The following NKAIN2 variants were observed in gnomAD, a reference collection of about 807,000 sequenced individuals.
The protein encoded by NKAIN2 is sodium/potassium-transporting ATPase subunit beta-1-interacting protein 2.
In NKAIN2, 14 loss-of-function variants were observed where a neutral mutation model predicts 32.6. The observed-to-expected ratio is 0.43, with a 90% CI of 0.28 to 0.67. NKAIN2 has a LOEUF of 0.67. Ranked by LOEUF, NKAIN2 falls within the 30% of genes least tolerant of loss-of-function variation. The pLI, the probability that NKAIN2 is intolerant of heterozygous loss-of-function variation, is 0.17. For synonymous variants in NKAIN2, 80 were observed against 87.2 expected, an observed-to-expected ratio of 0.92 and a Z score of 0.46; for missense variants, 198 against 258.3, an observed-to-expected ratio of 0.77 and a Z score of 1.60.
rs550910803 is a variant in NKAIN2, at chr6:124,458,171, A to G, written c.273+102824A>G. Among the ~76,000 whole-genome samples the G allele has an allele frequency of 2.0e-5, 3 of 151,992 alleles. No individual in the cohort carries two copies. In the East Asian group the frequency reaches 5.8e-4, roughly 29 times the overall value. On this transcript the variant is annotated intron_variant, in intron 3 of 6. Transcript: ENST00000368417. The stretch of plus-strand genomic sequence containing the variant: ...TTTTATGAATGCTTATTGAAAAAGT[A>G]AAGTATTGAAATATTACAGTTATTA...
At chr6:123,967,440 G>A (rs1282844543) in intron 1 of NKAIN2, among the ~76,000 whole-genome samples, 1 of 152,146 alleles carries the variant, frequency 6.6e-6, no homozygotes, top group Non-Finnish European at 1.5e-5. Context: ...CACCATTTCT[G>A]TAGTTAGACT....
chr6:124,054,812 G>T (rs1298105385), intron 1 of NKAIN2, among the ~76,000 whole-genome samples: 1 of 151,966 alleles, frequency 6.6e-6, no homozygotes, highest in East Asian at 1.9e-4. Flanking sequence ...CTACATTCAG[G>T]TCCCTAGTTT....
intron 3 of NKAIN2, among the ~76,000 whole-genome samples, chr6:124,414,124 C>G (rs557941209): frequency 9.2e-5 from 14 of 151,962 alleles, no homozygotes; most frequent in African/African-American, 3.1e-4. Flanking sequence ...TTAGAGGGAA[C>G]ACATTCAGGG....
chr6:123,965,027 C>T (rs1381446015), intron 1 of NKAIN2, among the ~76,000 whole-genome samples: 2 of 152,082 alleles, frequency 1.3e-5, no homozygotes, highest in Non-Finnish European at 2.9e-5. Flanking sequence ...TTTCTGCCAT[C>T]GATCTTCCTT....
chr6:124,035,880 C>T (rs1176862106), intron 1 of NKAIN2, among the ~76,000 whole-genome samples: 1 of 152,080 alleles, frequency 6.6e-6, no homozygotes, highest in East Asian at 1.9e-4. Context: ...CCGGTGATGG[C>T]AGAAAGGGCA....
chr6:123,874,384 G>C (rs952478513), intron 1 of NKAIN2, among the ~76,000 whole-genome samples: 4 of 152,110 alleles, frequency 2.6e-5, no homozygotes, highest in African/African-American at 9.7e-5. Flanking sequence ...GTAATCTCTT[G>C]TCTTTGACTG....
intron 3 of NKAIN2, among the ~76,000 whole-genome samples, chr6:124,401,486 C>T (rs989658364): frequency 2.0e-5 from 3 of 152,136 alleles, no homozygotes; most frequent in Non-Finnish European, 4.4e-5. Context: ...GAGTTGAATA[C>T]TTGTGACAGA....
intron 1 of NKAIN2, among the ~76,000 whole-genome samples, chr6:123,982,066 G>A (rs1778925408): frequency 6.6e-6 from 1 of 152,148 alleles, no homozygotes. Context: ...TTAATGCCAT[G>A]TAACCTAACT....
At chr6:124,471,294 A>T (rs968818378) in intron 3 of NKAIN2, among the ~76,000 whole-genome samples, 6 of 152,110 alleles carry the variant, frequency 3.9e-5, no homozygotes, top group African/African-American at 1.2e-4. Flanking sequence ...CATAATAAAA[A>T]TTTTTAAATA....
intron 1 of NKAIN2, among the ~76,000 whole-genome samples, chr6:124,073,723 A>T (rs768325364): frequency 1.3e-5 from 2 of 152,142 alleles, no homozygotes; most frequent in African/African-American, 4.8e-5. Context: ...TCTGAACCTC[A>T]TGGCCATAGG....
At chr6:124,575,409 C>A (rs1048578068) in intron 3 of NKAIN2, among the ~76,000 whole-genome samples, 2 of 152,228 alleles carry the variant, frequency 1.3e-5, no homozygotes, top group African/African-American at 4.8e-5. Context: ...CTCGTTGCAA[C>A]ATTTAGAAAC....
chr6:123,855,007 C>T (rs1038585039), intron 1 of NKAIN2, among the ~76,000 whole-genome samples: 25 of 152,122 alleles, frequency 1.6e-4, no homozygotes, highest in African/African-American at 5.3e-4. Flanking sequence ...CTACTCTGTC[C>T]GAATGTCATT....
intron 5 of NKAIN2, among the ~76,000 whole-genome samples, chr6:124,814,085 CCTCT>C (rs1175102565): frequency 4.6e-5 from 7 of 152,274 alleles, no homozygotes; most frequent in African/African-American, 1.2e-4. Flanking sequence ...AATACCTCTA[CCTCT>C]CTATCTACAT....
chr6:123,855,335 A>G (rs1440656727), intron 1 of NKAIN2, among the ~76,000 whole-genome samples: 4 of 152,174 alleles, frequency 2.6e-5, no homozygotes, highest in African/African-American at 9.7e-5. Flanking sequence ...TGACATTTAG[A>G]ACCCGGGTGG....
chr6:124,420,160 T>C (rs1365727346), intron 3 of NKAIN2, among the ~76,000 whole-genome samples: 1 of 152,144 alleles, frequency 6.6e-6, no homozygotes, highest in Non-Finnish European at 1.5e-5. Context: ...AGGCTTTTGA[T>C]GACAGCTTAT....
At chr6:123,813,046 T>G (rs890385816) in intron 1 of NKAIN2, among the ~76,000 whole-genome samples, 2 of 152,228 alleles carry the variant, frequency 1.3e-5, no homozygotes, top group South Asian at 4.1e-4. Flanking sequence ...CATAGTATCC[T>G]AACCTACACG....
At chr6:124,624,243 G>A (rs567249518) in intron 3 of NKAIN2, among the ~76,000 whole-genome samples, 1 of 152,268 alleles carries the variant, frequency 6.6e-6, no homozygotes, top group African/African-American at 2.4e-5. Context: ...AGAGAAATGG[G>A]AGGGCATTTT....
At chr6:124,219,548 G>A (rs565321544) in intron 1 of NKAIN2, among the ~76,000 whole-genome samples, 2 of 152,132 alleles carry the variant, frequency 1.3e-5, no homozygotes, top group African/African-American at 4.8e-5. Flanking sequence ...AAAGTGCTGG[G>A]ATTACAACTG....
rs76568047 is a variant in NKAIN2 at position 123,846,350 on chromosome 6, A to G, written c.54+42096A>G. Among the ~76,000 whole-genome samples, 73 of 152,292 alleles carry G rather than the reference A, an allele frequency of 4.8e-4. 1 individual carries two copies. In the East Asian group the frequency reaches 0.01, roughly 21 times the overall value. On this transcript the variant is annotated intron_variant, in intron 1 of 6. Coordinates refer to ENST00000368417, the MANE Select transcript of NKAIN2 (RefSeq NM_001040214.3). Reference sequence around the variant, plus strand: ...AGGTTGTGCTTTTGCCTCAGTTCTTAAAAAGTGAACCCTGAACTTGCTTCT... The same window carrying G: ...AGGTTGTGCTTTTGCCTCAGTTCTTGAAAAGTGAACCCTGAACTTGCTTCT...
Sources: gnomAD v4.1 joint callset for allele counts (sites outside exome capture counted in the v4.1 genomes callset) on GRCh38, gnomAD v4.1.1 for gene constraint, MANE v1.5 for transcripts, NCBI Gene and HGNC (gene_info 2026-07-23, HGNC 2026-07-21) for gene names.